Variants in BLMH observed in about 807,000 individuals in gnomAD.
BLMH encodes the protein bleomycin hydrolase, also known as BLM hydrolase.
In BLMH, 32 loss-of-function variants were observed where a neutral mutation model predicts 61.6. The ratio of observed to expected loss-of-function variants is 0.52; its 90% confidence interval spans 0.39 to 0.70. BLMH has a LOEUF of 0.70. Among genes scored for constraint, BLMH ranks in the 30% least tolerant of loss-of-function variants. BLMH has a pLI of 0.00. For missense variants in BLMH, 460 were observed against 555.5 expected (o/e 0.83, Z 1.73); for synonymous variants, 183 against 193.8 (o/e 0.94, Z 0.46).
intron 2 of BLMH, among the ~76,000 whole-genome samples, chr17:30,289,795 C>A (rs1908833802): frequency 6.6e-6 from 1 of 152,138 alleles, no homozygotes. Context: ...TTAGAAAAGT[C>A]TTTTAAGGTC....
At chr17:30,250,946 G>A (rs1907653254) in intron 11 of BLMH, among the ~76,000 whole-genome samples, 1 of 152,172 alleles carries the variant, frequency 6.6e-6, no homozygotes. Context: ...AACTTCGATG[G>A]AGCTGGAGGC....
intron 11 of BLMH, chr17:30,249,807 T>C (rs1335882304): frequency 6.6e-6 from 1 of 152,516 alleles, no homozygotes; most frequent in Non-Finnish European, 1.5e-5. Flanking sequence ...ACGATGACGA[T>C]CAGGCGGAAC....
chr17:30,271,425 C>T (rs369464280), intron 9 of BLMH, 37 bp from the exon 10 acceptor site: 76 of 1,542,220 alleles, frequency 4.9e-5, no homozygotes, highest in Non-Finnish European at 6.2e-5. Flanking sequence ...AAAGGGAGTA[C>T]GATCATGGGG....
intron 6 of BLMH, among the ~76,000 whole-genome samples, chr17:30,278,659 C>T (rs888284693): frequency 2.6e-5 from 4 of 152,056 alleles, no homozygotes; most frequent in African/African-American, 9.7e-5. Flanking sequence ...ATTTAACGAA[C>T]ACGTGACTTT....
intron 6 of BLMH, among the ~76,000 whole-genome samples, chr17:30,281,691 G>C (rs577233437): frequency 1.3e-5 from 2 of 152,168 alleles, no homozygotes; most frequent in African/African-American, 4.8e-5. Context: ...TTCTGAGATG[G>C]GGTCTCGCTC....
intron 11 of BLMH, among the ~76,000 whole-genome samples, chr17:30,253,278 C>T (rs1352496222): frequency 2.0e-5 from 3 of 152,206 alleles, no homozygotes; most frequent in Non-Finnish European, 2.9e-5. Flanking sequence ...AGTACATCTA[C>T]ACTATCTTGT....
chr17:30,284,147 G>C (rs923607661), intron 6 of BLMH, among the ~76,000 whole-genome samples: 40 of 152,298 alleles, frequency 2.6e-4, no homozygotes, highest in African/African-American at 7.9e-4. Flanking sequence ...CCTCTCTTCT[G>C]TAAGAATTTA....
At chr17:30,290,973 A>G (rs1908869470) in intron 2 of BLMH, 1 of 265,300 alleles carries the variant, frequency 3.8e-6, no homozygotes, top group Non-Finnish European at 7.3e-6. Context: ...AAAGATATGA[A>G]CATTTTCACA....
chr17:30,285,481 C>G lies in BLMH; in HGVS notation c.553-1G>C. 6.2e-7 allele frequency: 1 copy of G among 1,604,232 alleles called. No homozygotes were observed. The highest frequency in any genetic ancestry group is 8.5e-7 in the Non-Finnish European group (1 of 1,174,998). On this transcript the variant is annotated splice_acceptor_variant, in intron 5 of 11. Coordinates refer to ENST00000261714, the MANE Select transcript of BLMH (RefSeq NM_000386.4). LOFTEE classifies it high-confidence loss of function. Reference sequence around the variant, plus strand: ...GCAGTCGTATACAGAATTCTCTCATCTATGACAGAAACTTATTCAGCACTC... The same window carrying G: ...GCAGTCGTATACAGAATTCTCTCATGTATGACAGAAACTTATTCAGCACTC...
At position 30,291,476 on chromosome 17, in the gene BLMH, G is replaced by A; in HGVS notation, c.46C>T (p.Gln16Ter). The A allele has an allele frequency of 6.2e-7, 1 of 1,614,236 alleles. No individual in the cohort carries two copies. ...AACTGGGGGTCGGAATTCAGTTTCTGTATCAGAGCAGCTACCTTCTCCGAA... is the reference window on the plus strand; with the variant it reads ...AACTGGGGGTCGGAATTCAGTTTCTATATCAGAGCAGCTACCTTCTCCGAA... ...LNSEKVAALI[Q>*]KLNSDPQFVL... is the part of the protein sequence containing the mutation. The change falls in exon 2 of 12, where the codon CAG becomes TAG. Residue 16 changes from glutamine (Q) to a stop codon, truncating the protein, a stop_gained. Transcript: ENST00000261714. LOFTEE classifies it high-confidence loss of function.
intron 3 of BLMH, 21 bp from the exon 4 acceptor site, chr17:30,287,968 A>G: frequency 6.3e-7 from 1 of 1,596,000 alleles, no homozygotes; most frequent in East Asian, 2.2e-5. Context: ...AAGAAAGTTA[A>G]ATAACATTAA....
intron 11 of BLMH, among the ~76,000 whole-genome samples, chr17:30,253,115 G>A (rs1337374405): frequency 6.6e-6 from 1 of 152,138 alleles, no homozygotes; most frequent in Non-Finnish European, 1.5e-5. Context: ...TCACCACAAT[G>A]CAGGCTGAAT....
chr17:30,262,322 G>C (rs1157363096), intron 11 of BLMH, among the ~76,000 whole-genome samples: 2 of 152,174 alleles, frequency 1.3e-5, no homozygotes, highest in Non-Finnish European at 1.5e-5. Flanking sequence ...TTCATAGTAA[G>C]ACTGGTTCAT....
At chr17:30,266,309 C>A (rs1162584965) in intron 11 of BLMH, among the ~76,000 whole-genome samples, 1 of 151,834 alleles carries the variant, frequency 6.6e-6, no homozygotes, top group Non-Finnish European at 1.5e-5. Context: ...GGGCGGATCA[C>A]GAGGTCAGGA....
At chr17:30,287,716 G>A in intron 4 of BLMH, 90 bp downstream of exon 4, 2 of 1,479,118 alleles carry the variant, frequency 1.4e-6, no homozygotes, top group Non-Finnish European at 9.3e-7. Context: ...ATTCTACTCT[G>A]TACACAACCA....
chr17:30,252,533 C>CAAAAAAA (rs34594289), intron 11 of BLMH, among the ~76,000 whole-genome samples: 2 of 66,390 alleles, frequency 3.0e-5, no homozygotes, highest in South Asian at 7.2e-4. Flanking sequence ...CCCATCCTCA[C>CAAAAAAA]AAAAAAAAAA....
In BLMH at chr17:30,286,855, T is replaced by C. The variant is rs780409678; in HGVS notation, c.511A>G (p.Thr171Ala). Residue 171 changes from threonine (T) to alanine (A), a missense_variant, in exon 5 of 12, where the codon ACA becomes GCA. Physicochemically the swap from Thr to Ala is moderately conservative, Grantham distance 58 (BLOSUM62 0). Transcript: ENST00000261714. ...TCATTCATCCTTCTGGTTGCCTCTG[T>C]TGTATAAGATTCAGGGAAGCATTTC... is the stretch of plus-strand genomic sequence containing the variant. ...PKKCFPESYT[T>A]EATRRMNDIL... is the part of the protein sequence containing the mutation. The C allele has an allele frequency of 1.3e-6, 2 of 1,596,386 alleles. No homozygotes were observed. The highest frequency in any genetic ancestry group is 1.3e-5 in the African/African-American group (1 of 74,516).
chr17:30,249,446 G>C (rs566544356), intron 11 of BLMH: 7 of 390,966 alleles, frequency 1.8e-5, no homozygotes, highest in South Asian at 5.2e-5. Flanking sequence ...TTGGACCTAA[G>C]GCTAACACCA....
chr17:30,287,814 T>A lies in BLMH; in HGVS notation c.455A>T (p.Asn152Ile), dbSNP rs200618986. The change falls in exon 4 of 12, where the codon AAT (asparagine) becomes ATT (isoleucine). Residue 152 changes from asparagine to isoleucine, a missense_variant. Asn to Ile is a moderately radical substitution (Grantham distance 149). Around this residue, in one of 5 missense-constraint regions of BLMH, gnomAD observed 310 missense variants for 371.1 expected, o/e 0.84. Transcript: ENST00000261714. Reference sequence around the variant, plus strand: ...AAAGAAAGAACTTTTACCAACAATATTAACAAGCATATCCCATTGGCCACC... The same window carrying A: ...AAAGAAAGAACTTTTACCAACAATAATAACAAGCATATCCCATTGGCCACC... ...NDGGQWDMLV[N>I]IVEKYGVIPK... is the part of the protein sequence containing the mutation. 6.2e-7 allele frequency: 1 copy of A among 1,613,734 alleles called. No individual in the cohort carries two copies. Among genetic ancestry groups the A allele is most frequent in the African/African-American group, 1.3e-5 (1 of 75,056 alleles).
Sources: allele counts gnomAD v4.1 joint callset (sites outside exome capture counted in the v4.1 genomes callset), GRCh38; gene constraint gnomAD v4.1.1; regional missense constraint gnomAD v4.1.1; transcripts MANE v1.5; gene names NCBI Gene and HGNC (gene_info 2026-07-23, HGNC 2026-07-21).